The following CAMSAP3 variants were observed in gnomAD, a reference collection of about 807,000 sequenced individuals.
CAMSAP3 encodes the protein calmodulin regulated spectrin associated protein family member 3.
In CAMSAP3, 34 loss-of-function variants were observed where a neutral mutation model predicts 112.5. That is an observed-to-expected ratio of 0.30 (90% CI 0.23 to 0.40). The LOEUF (loss-of-function observed/expected upper bound fraction) is 0.40, where lower values mean the gene tolerates loss of function less well. Ranked by LOEUF, CAMSAP3 falls within the 10% of genes least tolerant of loss-of-function variation. CAMSAP3 has a pLI of 1.00. For synonymous variants in CAMSAP3, 868 were observed against 799.8 expected (o/e 1.09, Z -1.44); for missense variants, 1,602 against 1,770.3 (o/e 0.90, Z 1.71).
In CAMSAP3 at chr19:7,612,790, C is replaced by T; in HGVS notation, c.2297C>T (p.Thr766Ile). 6.5e-7 allele frequency: 1 copy of T among 1,533,130 alleles called. No homozygotes were observed. The highest frequency in any genetic ancestry group is 1.2e-5 in the South Asian group (1 of 83,092). 95.0% of individuals were successfully genotyped at this position (1,533,130 alleles called of 1,614,324 possible). A position where few individuals can be genotyped will look rare whatever the true frequency, so the allele number is the denominator to read the frequency against. ...AGCCCCGCCCGGCGAGTCCCGGCCACCCGGCGCAGCCCTGGGCCCGGGCCC... is the reference window on the plus strand; with the variant it reads ...AGCCCCGCCCGGCGAGTCCCGGCCATCCGGCGCAGCCCTGGGCCCGGGCCC... The part of the protein sequence containing the change: ...SPSPARRVPA[T>I]RRSPGPGPSQ... Residue 766 changes from threonine (T) to isoleucine (I), a missense_variant, in exon 11 of 17, where the codon ACC becomes ATC. This residue lies in a region of CAMSAP3 where 1,100 missense variants were observed against 1,135.7 expected (regional missense o/e 0.97). Coordinates refer to ENST00000160298, the MANE Select transcript of CAMSAP3 (RefSeq NM_020902.2).
intron 1 of CAMSAP3, among the ~76,000 whole-genome samples, chr19:7,601,662 G>A (rs933896503): frequency 1.3e-5 from 2 of 150,906 alleles, no homozygotes; most frequent in Non-Finnish European, 2.9e-5. Context: ...AGGGTCCCTT[G>A]AACTCAGGAG....
rs1016348360 is a variant in CAMSAP3, at chr19:7,606,860, G to T, written c.621+289G>T. The T allele has an allele frequency of 3.1e-6, 5 of 1,595,724 alleles. No individual in the cohort carries two copies. The Admixed American group carries it at 8.3e-5, about 27-fold the overall frequency. ...GTCTGCCTGCCCTGCTTGTAGCTCT[G>T]TCTGTCTGTATGTCTGTTTCTGCCT... On this transcript the variant is annotated intron_variant, in intron 4 of 16. Coordinates refer to ENST00000160298, the MANE Select transcript of CAMSAP3 (RefSeq NM_020902.2).
At position 7,612,709 on chromosome 19, in the gene CAMSAP3, C is replaced by A; in HGVS notation, c.2216C>A (p.Pro739Gln). Residue 739 changes from proline (P) to glutamine (Q), a missense_variant, in exon 11 of 17, where the codon CCA (proline) becomes CAA (glutamine). Pro to Gln is a moderately conservative substitution (Grantham distance 76). Coordinates refer to ENST00000160298, the MANE Select transcript of CAMSAP3 (RefSeq NM_020902.2). ...APPEAPGSAP[P>Q]PAAWVIPGPT... is the part of the protein sequence containing the mutation. Reference sequence around the variant, plus strand: ...CCCGAGGCCCCCGGATCCGCCCCACCACCTGCTGCGTGGGTCATCCCTGGC... The same window carrying A: ...CCCGAGGCCCCCGGATCCGCCCCACAACCTGCTGCGTGGGTCATCCCTGGC... The A allele has an allele frequency of 6.6e-7, 1 of 1,525,510 alleles. No individual in the cohort carries two copies. The highest frequency in any genetic ancestry group is 8.8e-7 in the Non-Finnish European group (1 of 1,140,484). 94.5% of individuals were successfully genotyped at this position (1,525,510 alleles called of 1,614,324 possible).
At chr19:7,609,939 A>G (rs1362368215) in intron 5 of CAMSAP3, among the ~76,000 whole-genome samples, 2 of 152,026 alleles carry the variant, frequency 1.3e-5, no homozygotes, top group East Asian at 3.9e-4. Flanking sequence ...AAATACACTC[A>G]CTGCAGCTCA....
chr19:7,605,529 C>A, intron 2 of CAMSAP3, 50 bp downstream of exon 2: 1 of 1,413,614 alleles, frequency 7.1e-7, no homozygotes, highest in South Asian at 1.6e-5. Flanking sequence ...CTCAGCTCCT[C>A]CCCTCAAGCT....
chr19:7,597,094 CG>C (rs771812969), intron 1 of CAMSAP3, among the ~76,000 whole-genome samples: 2 of 152,170 alleles, frequency 1.3e-5, no homozygotes, highest in Non-Finnish European at 2.9e-5. Flanking sequence ...GGCTTTCCAG[CG>C]GGGAGCTGTG....
At position 7,615,040 on chromosome 19, in the gene CAMSAP3, C is replaced by T. The variant is rs2030703543; in HGVS notation, c.2671-143C>T. On this transcript the variant is annotated intron_variant, in intron 11 of 16. Transcript: ENST00000160298. The surrounding 1 kb of genome is among the most constrained non-coding windows in gnomAD (Gnocchi z 6.5). The stretch of plus-strand genomic sequence containing the variant: ...AGTACTTAGTGTGGGGCTGTGCATA[C>T]AGTAGGCACCAACTAAGTGCATTTA... 2 of 954,608 alleles carry T rather than the reference C, an allele frequency of 2.1e-6. No homozygotes were observed. Among genetic ancestry groups the T allele is most frequent in the Admixed American group, 2.1e-5 (1 of 48,340 alleles). The allele number at this position is 954,608 out of a possible 1,614,324, so 59.1% of individuals were successfully genotyped here.
rs202143320 is a variant in CAMSAP3 at position 7,611,080 on chromosome 19, C to T, written c.1050-15C>T. ...AGGTGGGGGTCCTGAGGCTGAAGTA[C>T]GTCTCTCCGTACAGTTCTCCTGTCT... On this transcript the variant is annotated splice_polypyrimidine_tract_variant and intron_variant, in intron 8 of 16. Transcript: ENST00000160298. The surrounding 1 kb of genome is among the most constrained non-coding windows in gnomAD (Gnocchi z 6.9). The T allele has an allele frequency of 3.9e-5, 63 of 1,613,402 alleles. No individual in the cohort carries two copies. The highest frequency in any genetic ancestry group is 2.5e-4 in the South Asian group (23 of 91,080).
rs758810350 is a variant in CAMSAP3 at position 7,615,515 on chromosome 19, G to A, written c.2908G>A (p.Val970Met). Residue 970 changes from valine (V) to methionine (M), a missense_variant, in exon 13 of 17, where the codon GTG becomes ATG. Physicochemically the swap from Val to Met is conservative, Grantham distance 21. This residue lies in a region of CAMSAP3 where 1,100 missense variants were observed against 1,135.7 expected (regional missense o/e 0.97). Transcript: ENST00000160298. This position sits in a 1 kb window ranked among gnomAD's most constrained non-coding sequence, Gnocchi z 6.5. ...PAARAPAEEE[V>M]GPRKGDFTRQ... Reference sequence around the variant, plus strand: ...TGCCCGGGCTCCAGCCGAGGAGGAGGTGGGCCCCCGGAAGGGGGACTTCAC... The same window carrying A: ...TGCCCGGGCTCCAGCCGAGGAGGAGATGGGCCCCCGGAAGGGGGACTTCAC... The A allele has an allele frequency of 4.1e-5, 63 of 1,537,352 alleles. No individual in the cohort carries two copies. Among genetic ancestry groups the A allele is most frequent in the Non-Finnish European group, 5.4e-5 (62 of 1,144,188 alleles).
At chr19:7,604,349 A>G (rs767830744) in intron 1 of CAMSAP3, among the ~76,000 whole-genome samples, 1 of 151,982 alleles carries the variant, frequency 6.6e-6, no homozygotes, top group Non-Finnish European at 1.5e-5. Context: ...GGCTGTCTCT[A>G]TGATGTGACC....
At chr19:7,608,403 C>A in intron 5 of CAMSAP3, 139 bp downstream of exon 5, 1 of 1,018,918 alleles carries the variant, frequency 9.8e-7, no homozygotes, top group Non-Finnish European at 1.4e-6. Context: ...AACTGGCAGG[C>A]CTGAGTTTGT....
In CAMSAP3 at chr19:7,612,685, C is replaced by A; in HGVS notation, c.2192C>A (p.Pro731His). The change falls in exon 11 of 17, where the codon CCC becomes CAC. Residue 731 changes from proline (P) to histidine (H), a missense_variant. Around this residue, in one of 6 missense-constraint regions of CAMSAP3, gnomAD observed 1,100 missense variants for 1,135.7 expected, o/e 0.97. Coordinates refer to ENST00000160298, the MANE Select transcript of CAMSAP3 (RefSeq NM_020902.2). ...CAGCAGCAGCGGCTCCTGGCCCCGC[C>A]CGAGGCCCCCGGATCCGCCCCACCA... ...TDQQQRLLAP[P>H]EAPGSAPPPA... The A allele has an allele frequency of 4.0e-6, 6 of 1,512,748 alleles. No homozygotes were observed. The highest frequency in any genetic ancestry group is 3.5e-6 in the Non-Finnish European group (4 of 1,133,004). 93.7% of individuals were successfully genotyped at this position (1,512,748 alleles called of 1,614,324 possible).
intron 4 of CAMSAP3, 102 bp downstream of exon 4, chr19:7,606,673 G>A (rs1271121507): frequency 6.4e-7 from 1 of 1,565,750 alleles, no homozygotes; most frequent in Non-Finnish European, 8.7e-7. Context: ...GGGGGCTAGA[G>A]GTGACACACT....
intron 2 of CAMSAP3, 120 bp from the exon 3 acceptor site, chr19:7,606,151 G>GA: frequency 2.0e-5 from 3 of 151,402 alleles, no homozygotes; most frequent in South Asian, 5.3e-5. Flanking sequence ...GCCCCCTCAA[G>GA]CCCCACCCCC....
rs769321823 is a variant in CAMSAP3 at position 7,610,612 on chromosome 19, C to G, written c.897C>G (p.Leu299=). 6.2e-7 allele frequency: 1 copy of G among 1,613,500 alleles called. No individual in the cohort carries two copies. The highest frequency in any genetic ancestry group is 1.1e-5 in the South Asian group (1 of 91,082). Residue 299 remains leucine, a synonymous_variant, in exon 6 of 17, where the codon CTC becomes CTG. Transcript: ENST00000160298. This position sits in a 1 kb window ranked among gnomAD's most constrained non-coding sequence, Gnocchi z 4.9. ...LEDLLYVPPP[L]KVNLVVMLAE... is the part of the protein sequence containing the mutation. ...ACTTGCTGTACGTCCCACCGCCACT[C>G]AAGGTAAGGCCATCCTGGGGCCTCC...
At chr19:7,608,363 C>T (rs965982683) in intron 5 of CAMSAP3, 99 bp downstream of exon 5, 82 of 1,427,974 alleles carry the variant, frequency 5.7e-5, no homozygotes, top group African/African-American at 5.5e-4. Context: ...AGACCAGCAA[C>T]GATGCAGTGG....
In CAMSAP3 at chr19:7,615,401, T is replaced by C. The variant is rs1018605935; in HGVS notation, c.2811-17T>C. The C allele has an allele frequency of 6.5e-7, 1 of 1,539,264 alleles. No individual in the cohort carries two copies. The highest frequency in any genetic ancestry group is 8.7e-7 in the Non-Finnish European group (1 of 1,143,926). ...ACCCCGTGAGCGGTTCTGATGCCGA[T>C]TCCCTGTGATCTGCAGGCTGGCCCA... On this transcript the variant is annotated splice_polypyrimidine_tract_variant and intron_variant, in intron 12 of 16. Coordinates refer to ENST00000160298, the MANE Select transcript of CAMSAP3 (RefSeq NM_020902.2). This position sits in a 1 kb window ranked among gnomAD's most constrained non-coding sequence, Gnocchi z 6.5.
chr19:7,604,934 C>A (rs2030129057), intron 1 of CAMSAP3, among the ~76,000 whole-genome samples: 1 of 152,078 alleles, frequency 6.6e-6, no homozygotes. Flanking sequence ...GGGTAGCCTC[C>A]CCTCCTTTCC....
In CAMSAP3 at chr19:7,607,795, G is replaced by C; in HGVS notation, c.622-331G>C. 1 of 1,092,682 alleles carries C rather than the reference G, an allele frequency of 9.2e-7. No individual in the cohort carries two copies. The highest frequency in any genetic ancestry group is 1.3e-6 in the Non-Finnish European group (1 of 773,574). 67.7% of individuals were successfully genotyped at this position (1,092,682 alleles called of 1,614,324 possible). On this transcript the variant is annotated intron_variant, in intron 4 of 16. Transcript: ENST00000160298. This position sits in a 1 kb window ranked among gnomAD's most constrained non-coding sequence, Gnocchi z 4.9. Reference sequence around the variant, plus strand: ...CAGCAGGTCAGCACCCCTCCCCCTTGCTGATGGCTGCTCCTCTCCCCCCAG... The same window carrying C: ...CAGCAGGTCAGCACCCCTCCCCCTTCCTGATGGCTGCTCCTCTCCCCCCAG...
Sources: gnomAD v4.1 joint callset for allele counts (sites outside exome capture counted in the v4.1 genomes callset) on GRCh38, gnomAD v4.1.1 for gene constraint, gnomAD v4.1.1 regional missense constraint, Gnocchi (gnomAD v3.1) non-coding constraint, MANE v1.5 for transcripts, NCBI Gene and HGNC (gene_info 2026-07-23, HGNC 2026-07-21) for gene names.